TEX36: variants seen among roughly 807,000 people sequenced by gnomAD.
TEX36 encodes testis-expressed protein 36.
A neutral mutation model predicts 13.6 loss-of-function variants in TEX36; 12 were observed. The ratio of observed to expected loss-of-function variants is 0.88; its 90% CI spans 0.56 to 1.43. The LOEUF is 1.43. Ranked by LOEUF, TEX36 falls within the 40% of genes most tolerant of loss-of-function variation. The pLI is 0.00. For missense variants in TEX36, 224 were observed against 228.3 expected (o/e 0.98, Z 0.12); for synonymous variants, 93 against 83.0 (o/e 1.12, Z -0.65).
rs1419411720 is a variant in TEX36, at chr10:125,655,757, G to A, written c.*143C>T. ...ATGTCATCACAAATTCATTTCACAAGGATTTGAATGTTTTTTGACCTTATA... is the reference window on the plus strand; with the variant it reads ...ATGTCATCACAAATTCATTTCACAAAGATTTGAATGTTTTTTGACCTTATA... On this transcript the variant is annotated 3_prime_UTR_variant, in exon 4 of 4. Coordinates refer to ENST00000368821, the MANE Select transcript of TEX36 (RefSeq NM_001128202.3). The A allele has an allele frequency of 9.7e-6, 13 of 1,335,182 alleles. No individual in the cohort carries two copies. Among genetic ancestry groups the A allele is most frequent in the Non-Finnish European group, 1.2e-5 (13 of 1,044,960 alleles). The allele number at this position is 1,335,182 out of a possible 1,614,324, so 82.7% of individuals were successfully genotyped here.
At chr10:125,650,239 A>G (rs1846832331) in intron 3 of TEX36, among the ~76,000 whole-genome samples, 1 of 152,238 alleles carries the variant, frequency 6.6e-6, no homozygotes, top group African/African-American at 2.4e-5. Flanking sequence ...TTGACCACAT[A>G]GTTGGAAGTA....
chr10:125,621,487 C>A, downstream of TEX36: 4 of 401,180 alleles, frequency 1.0e-5, no homozygotes, highest in South Asian at 1.8e-5. Flanking sequence ...TGTATCTTCC[C>A]AGTGTGTAAT....
At chr10:125,661,369 G>A (rs1467994949) in intron 2 of TEX36, among the ~76,000 whole-genome samples, 1 of 152,210 alleles carries the variant, frequency 6.6e-6, no homozygotes, top group Non-Finnish European at 1.5e-5. Flanking sequence ...ATGCAAGGAT[G>A]GAAAAGTGTA....
At chr10:125,624,679 GA>G (rs199732825) in intron 3 of TEX36, among the ~76,000 whole-genome samples, 10,607 of 116,336 alleles carry the variant, frequency 0.091, 1,192 homozygotes, top group African/African-American at 0.29. Context: ...TAATTCTACA[GA>G]AAAAAAAAAA....
chr10:125,618,419 T>C (rs894452642), downstream of TEX36, among the ~76,000 whole-genome samples: 9 of 152,226 alleles, frequency 5.9e-5, no homozygotes, highest in Non-Finnish European at 1.2e-4. Context: ...TGTGTGGTTT[T>C]ATCTACTTTT....
chr10:125,658,672 C>G (rs182954434), intron 3 of TEX36, among the ~76,000 whole-genome samples: 1 of 152,106 alleles, frequency 6.6e-6, no homozygotes, highest in East Asian at 1.9e-4. Context: ...AGATTATACT[C>G]TGAAATTTAC....
intron 3 of TEX36, among the ~76,000 whole-genome samples, chr10:125,638,631 T>C (rs959364841): frequency 5.3e-5 from 8 of 152,264 alleles, no homozygotes; most frequent in African/African-American, 1.7e-4. Flanking sequence ...CATCAAGCTA[T>C]CGCTACATCT....
At chr10:125,670,040 AG>A (rs1250047801) in intron 1 of TEX36, among the ~76,000 whole-genome samples, 6 of 152,234 alleles carry the variant, frequency 3.9e-5, no homozygotes, top group African/African-American at 1.2e-4. Flanking sequence ...TATTGTGAAT[AG>A]TGCTGCAAGA....
intron 3 of TEX36, among the ~76,000 whole-genome samples, chr10:125,594,339 T>C (rs1443900556): frequency 1.3e-5 from 2 of 152,144 alleles, no homozygotes; most frequent in African/African-American, 4.8e-5. Flanking sequence ...GCAGATGTAG[T>C]AAAATTAATA....
intron 3 of TEX36, among the ~76,000 whole-genome samples, chr10:125,587,213 G>T (rs1323020873): frequency 6.6e-6 from 1 of 152,138 alleles, no homozygotes; most frequent in African/African-American, 2.4e-5. Flanking sequence ...AAATTCACTG[G>T]GTGTGGTGGT....
At chr10:125,609,789 G>A (rs1371455443) in intron 3 of TEX36, among the ~76,000 whole-genome samples, 1 of 152,190 alleles carries the variant, frequency 6.6e-6, no homozygotes. Flanking sequence ...GGTTTCTCCT[G>A]AGAATTACCT....
At chr10:125,580,237 C>T (rs1845867643) in intron 3 of TEX36, among the ~76,000 whole-genome samples, 1 of 152,188 alleles carries the variant, frequency 6.6e-6, no homozygotes, top group Non-Finnish European at 1.5e-5. Flanking sequence ...TCATTAAAGT[C>T]AGGCAAGTGA....
At chr10:125,647,863 G>A (rs1178475537) in intron 3 of TEX36, among the ~76,000 whole-genome samples, 2 of 152,336 alleles carry the variant, frequency 1.3e-5, no homozygotes, top group Admixed American at 6.5e-5. Flanking sequence ...TATATCCCGC[G>A]CCTGGCTCAG....
chr10:125,633,425 C>T (rs968771626), intron 3 of TEX36, among the ~76,000 whole-genome samples: 5 of 152,196 alleles, frequency 3.3e-5, no homozygotes, highest in Admixed American at 2.6e-4. Context: ...GTAATGGCAT[C>T]TGCTAAATAA....
intron 1 of TEX36, among the ~76,000 whole-genome samples, chr10:125,664,793 C>G (rs1338463475): frequency 6.6e-6 from 1 of 152,176 alleles, no homozygotes; most frequent in African/African-American, 2.4e-5. Flanking sequence ...AGTGTGAAAA[C>G]AGACTAATAC....
chr10:125,660,940 T>A, intron 3 of TEX36, 81 bp downstream of exon 3: 1 of 1,252,262 alleles, frequency 8.0e-7, no homozygotes, highest in Non-Finnish European at 1.1e-6. Context: ...AGGCCAATCC[T>A]CTATCTTCAA....
At chr10:125,608,695 C>G (rs1038307595) in intron 3 of TEX36, among the ~76,000 whole-genome samples, 1 of 152,118 alleles carries the variant, frequency 6.6e-6, no homozygotes, top group Non-Finnish European at 1.5e-5. Flanking sequence ...TGTGCCAGCA[C>G]TAGGGATGCA....
chr10:125,659,089 A>G (rs1846989506), intron 3 of TEX36, among the ~76,000 whole-genome samples: 1 of 152,212 alleles, frequency 6.6e-6, no homozygotes, highest in South Asian at 2.1e-4. Flanking sequence ...GAATAGATTA[A>G]TAATCAAGAA....
At chr10:125,667,135 G>A in intron 1 of TEX36, 1 of 735,076 alleles carries the variant, frequency 1.4e-6, no homozygotes, top group Non-Finnish European at 2.4e-6. Flanking sequence ...CTGGCCTCCA[G>A]ACAGGAATGT....
Sources: allele counts gnomAD v4.1 joint callset (sites outside exome capture counted in the v4.1 genomes callset), GRCh38; gene constraint gnomAD v4.1.1; transcripts MANE v1.5; gene names NCBI Gene and HGNC (gene_info 2026-07-23, HGNC 2026-07-21).